The following SLC39A11 variants were observed in gnomAD, a reference collection of about 807,000 sequenced individuals.
SLC39A11 encodes solute carrier family 39 member 11, also known as zinc transporter ZIP11.
Under a neutral mutation model 36.1 loss-of-function variants are expected in SLC39A11, and 33 were observed. That is an observed-to-expected ratio of 0.91 (90% CI 0.69 to 1.22). The LOEUF is 1.22. Among genes scored for constraint, SLC39A11 ranks in the 50% most tolerant of loss-of-function variants. The pLI, the probability that SLC39A11 is intolerant of heterozygous loss-of-function variation, is 0.00. For missense variants in SLC39A11, 432 were observed against 430.3 expected (o/e 1.00, Z -0.03); for synonymous variants, 166 against 170.3 (o/e 0.97, Z 0.20).
intron 6 of SLC39A11, among the ~76,000 whole-genome samples, chr17:72,799,096 T>C (rs923247115): frequency 6.6e-6 from 1 of 152,130 alleles, no homozygotes; most frequent in African/African-American, 2.4e-5. Flanking sequence ...GTTGCATGCA[T>C]GTCTGTTGCA....
intron 6 of SLC39A11, among the ~76,000 whole-genome samples, chr17:72,747,441 C>T (rs1181494553): frequency 1.3e-5 from 2 of 152,190 alleles, no homozygotes; most frequent in African/African-American, 2.4e-5. Flanking sequence ...CGTGAGCCAC[C>T]GCGCCTGGCC....
chr17:72,807,025 T>C (rs924160539), intron 6 of SLC39A11, among the ~76,000 whole-genome samples: 2 of 152,230 alleles, frequency 1.3e-5, no homozygotes, highest in African/African-American at 4.8e-5. Context: ...ATTCTATTTT[T>C]AAGAGATTTC....
At chr17:72,852,426 T>C (rs1405253903) in intron 5 of SLC39A11, among the ~76,000 whole-genome samples, 1 of 152,068 alleles carries the variant, frequency 6.6e-6, no homozygotes, top group Non-Finnish European at 1.5e-5. Flanking sequence ...ATGCCAGTCC[T>C]CCACTGGTCA....
chr17:73,070,541 T>C (rs890451132), intron 3 of SLC39A11, among the ~76,000 whole-genome samples: 6 of 152,216 alleles, frequency 3.9e-5, no homozygotes, highest in Non-Finnish European at 7.3e-5. Flanking sequence ...CAGCTCATCC[T>C]TCATTAAACC....
chr17:72,802,361 A>G (rs1405205891), intron 6 of SLC39A11, among the ~76,000 whole-genome samples: 1 of 152,112 alleles, frequency 6.6e-6, no homozygotes, highest in Non-Finnish European at 1.5e-5. Context: ...AGGCTGAGGC[A>G]GGTGGATCCC....
intron 4 of SLC39A11, among the ~76,000 whole-genome samples, chr17:72,963,977 T>TA (rs1466962521): frequency 6.6e-6 from 1 of 152,154 alleles, no homozygotes; most frequent in Non-Finnish European, 1.5e-5. Flanking sequence ...CTGCAAAATA[T>TA]AAGTTTTAGT....
At chr17:72,746,547 G>A (rs1006380739) in intron 6 of SLC39A11, among the ~76,000 whole-genome samples, 1 of 152,066 alleles carries the variant, frequency 6.6e-6, no homozygotes, top group Non-Finnish European at 1.5e-5. Flanking sequence ...TCAGGAGATC[G>A]AGACCACAGT....
In SLC39A11 at chr17:72,762,995, C is replaced by T. The variant is rs143468906; in HGVS notation, c.602-26276G>A. On this transcript the variant is annotated intron_variant, in intron 6 of 9. Coordinates refer to ENST00000255559, the MANE Select transcript of SLC39A11 (RefSeq NM_139177.4). Reference sequence around the variant, plus strand: ...AGCATTGGTCCTTTTTGGAGTTCTCCCTCTAAACTGTGGTTTCCAATTGGC... The same window carrying T: ...AGCATTGGTCCTTTTTGGAGTTCTCTCTCTAAACTGTGGTTTCCAATTGGC... 4.3e-3 allele frequency among the ~76,000 whole-genome samples: 653 copies of T among 152,264 alleles called. 1 individual carries two copies. Among genetic ancestry groups the T allele is most frequent in the South Asian group, 8.5e-3 (41 of 4,826 alleles).
chr17:72,877,617 T>C (rs993143408), intron 5 of SLC39A11, among the ~76,000 whole-genome samples: 6 of 151,980 alleles, frequency 3.9e-5, no homozygotes, highest in Non-Finnish European at 8.8e-5. Context: ...ACAGAGAAAT[T>C]GCAGGCAATT....
intron 5 of SLC39A11, among the ~76,000 whole-genome samples, chr17:72,921,668 CCT>C (rs2083676687): frequency 2.0e-5 from 3 of 152,092 alleles, no homozygotes; most frequent in Admixed American, 6.6e-5. Context: ...CAAAATAGCC[CCT>C]GATCGAAATG....
At chr17:72,735,625 G>A (rs1489434440) in intron 7 of SLC39A11, among the ~76,000 whole-genome samples, 5 of 152,140 alleles carry the variant, frequency 3.3e-5, no homozygotes, top group South Asian at 2.1e-4. Flanking sequence ...TTTAAAGTTC[G>A]CCTTATTCCT....
intron 5 of SLC39A11, among the ~76,000 whole-genome samples, chr17:72,889,963 A>C (rs539693533): frequency 3.3e-4 from 50 of 152,130 alleles, no homozygotes; most frequent in Admixed American, 5.9e-4. Context: ...GAGAGATGGC[A>C]CAAAACCAGA....
chr17:72,688,563 C>T (rs2071864028), intron 7 of SLC39A11, among the ~76,000 whole-genome samples: 1 of 152,230 alleles, frequency 6.6e-6, no homozygotes, highest in African/African-American at 2.4e-5. Flanking sequence ...ATGTGTCCCC[C>T]ATGGCTCCCC....
intron 7 of SLC39A11, among the ~76,000 whole-genome samples, chr17:72,720,535 G>T (rs566142090): frequency 6.6e-6 from 1 of 152,260 alleles, no homozygotes; most frequent in East Asian, 1.9e-4. Flanking sequence ...AGTGGGGAGT[G>T]CTTGTCCTGG....
chr17:72,951,451 G>A (rs952671626), intron 4 of SLC39A11, among the ~76,000 whole-genome samples: 4 of 152,100 alleles, frequency 2.6e-5, no homozygotes, highest in South Asian at 2.1e-4. Context: ...TCACCTTCAC[G>A]CATCCCATAG....
intron 4 of SLC39A11, among the ~76,000 whole-genome samples, chr17:72,960,626 A>G (rs1045617102): frequency 1.3e-5 from 2 of 151,842 alleles, no homozygotes; most frequent in Admixed American, 6.5e-5. Flanking sequence ...CCATCTCTAC[A>G]AAAAATAAAA....
intron 5 of SLC39A11, among the ~76,000 whole-genome samples, chr17:72,910,600 G>A (rs1364967263): frequency 1.6e-5 from 2 of 124,940 alleles, no homozygotes; most frequent in African/African-American, 6.3e-5. Context: ...CCCCATCCTG[G>A]GCAACAGAGC....
At chr17:73,048,365 T>G (rs907453301) in intron 3 of SLC39A11, among the ~76,000 whole-genome samples, 1 of 152,138 alleles carries the variant, frequency 6.6e-6, no homozygotes, top group Non-Finnish European at 1.5e-5. Context: ...AAGTACATGA[T>G]CCCATTCTTT....
At chr17:73,062,915 A>G (rs1472587205) in intron 3 of SLC39A11, among the ~76,000 whole-genome samples, 1 of 152,136 alleles carries the variant, frequency 6.6e-6, no homozygotes, top group Non-Finnish European at 1.5e-5. Flanking sequence ...TTCAGGAGGT[A>G]ATGAGAGCAA....
Sources: allele counts gnomAD v4.1 joint callset (sites outside exome capture counted in the v4.1 genomes callset), GRCh38; gene constraint gnomAD v4.1.1; transcripts MANE v1.5; gene names NCBI Gene and HGNC (gene_info 2026-07-23, HGNC 2026-07-21).